CCDC91: variants seen among roughly 807,000 people sequenced by gnomAD.
CCDC91 encodes coiled-coil domain-containing protein 91.
Under a neutral mutation model 63.2 loss-of-function variants are expected in CCDC91, and 48 were observed. That is an observed-to-expected ratio of 0.76 (90% CI 0.60 to 0.97). CCDC91 has a LOEUF of 0.97. Ranked by LOEUF, CCDC91 falls within the 50% of genes least tolerant of loss-of-function variation. The pLI, the probability that CCDC91 is intolerant of heterozygous loss-of-function variation, is 0.00. For missense variants in CCDC91, 500 were observed against 494.6 expected (o/e 1.01, Z -0.10); for synonymous variants, 167 against 165.8 (o/e 1.01, Z -0.06).
At chr12:28,522,019 T>G (rs1940733301) in intron 12 of CCDC91, among the ~76,000 whole-genome samples, 1 of 152,198 alleles carries the variant, frequency 6.6e-6, no homozygotes, top group African/African-American at 2.4e-5. Context: ...ATCAGGGATA[T>G]TGGTCTAAAA....
At chr12:28,476,133 T>C (rs1275019736) in intron 11 of CCDC91, among the ~76,000 whole-genome samples, 23 of 152,158 alleles carry the variant, frequency 1.5e-4, no homozygotes, top group Admixed American at 1.3e-3. Flanking sequence ...TCTAAAAGAC[T>C]TTCTCGTAAC....
chr12:28,538,438 A>G (rs1426113506), intron 12 of CCDC91, among the ~76,000 whole-genome samples: 6 of 151,616 alleles, frequency 4.0e-5, no homozygotes, highest in African/African-American at 1.5e-4. Flanking sequence ...ACATGAACTC[A>G]TCATTTTTTA....
rs888183730 is a variant in CCDC91 at position 28,264,966 on chromosome 12, G to A, written c.109+5524G>A. On this transcript the variant is annotated intron_variant, in intron 3 of 12. Transcript: ENST00000536442. ...AGGCTGTCATCTAAAAGGACAGGAT[G>A]TCTCATGAAATGTGTTGTTAATATT... Among the ~76,000 whole-genome samples the A allele has an allele frequency of 5.9e-5, 9 of 152,048 alleles. No homozygotes were observed. The East Asian group carries it at 1.4e-3, about 23-fold the overall frequency.
intron 7 of CCDC91, among the ~76,000 whole-genome samples, chr12:28,363,876 G>GAAAAAAA (rs34997286): frequency 0.034 from 1,654 of 48,438 alleles, no homozygotes; most frequent in East Asian, 0.044. Context: ...GGCTCCATCT[G>GAAAAAAA]AAAAAAAAAA....
chr12:28,304,605 C>G, intron 3 of CCDC91: 1 of 1,133,136 alleles, frequency 8.8e-7, no homozygotes, highest in Non-Finnish European at 1.2e-6. Context: ...ATCTAATGGC[C>G]TTATAAATGT....
chr12:28,471,998 G>C (rs1268976422), intron 11 of CCDC91, among the ~76,000 whole-genome samples: 1 of 152,050 alleles, frequency 6.6e-6, no homozygotes, highest in Non-Finnish European at 1.5e-5. Flanking sequence ...TGATCAGCCC[G>C]CTTCATCCTC....
chr12:28,274,017 A>G (rs892236138), intron 3 of CCDC91, among the ~76,000 whole-genome samples: 3 of 152,170 alleles, frequency 2.0e-5, no homozygotes, highest in East Asian at 1.9e-4. Context: ...TAATTTTTGT[A>G]TAAGGTGTAA....
chr12:28,300,132 C>T (rs1937893786), intron 3 of CCDC91, among the ~76,000 whole-genome samples: 1 of 151,338 alleles, frequency 6.6e-6, no homozygotes, highest in East Asian at 1.9e-4. Flanking sequence ...GTTAGAATGC[C>T]CTTTCTTATG....
chr12:28,385,504 C>T (rs1019892091), intron 7 of CCDC91, among the ~76,000 whole-genome samples: 8 of 152,060 alleles, frequency 5.3e-5, no homozygotes, highest in African/African-American at 9.7e-5. Flanking sequence ...ATTTGTTATA[C>T]GTTTTGCTTC....
chr12:28,533,353 A>G (rs1282965254), intron 12 of CCDC91, among the ~76,000 whole-genome samples: 1 of 152,060 alleles, frequency 6.6e-6, no homozygotes, highest in Admixed American at 6.6e-5. Flanking sequence ...GCAAGTTTCC[A>G]CAGTAAATAG....
intron 8 of CCDC91, among the ~76,000 whole-genome samples, chr12:28,438,417 C>G (rs943491020): frequency 4.6e-5 from 7 of 152,108 alleles, no homozygotes; most frequent in Non-Finnish European, 7.4e-5. Context: ...CAGGTCCTCA[C>G]CAGATACAGA....
At chr12:28,466,744 C>T (rs1010827276) in intron 11 of CCDC91, among the ~76,000 whole-genome samples, 3 of 151,982 alleles carry the variant, frequency 2.0e-5, no homozygotes, top group African/African-American at 7.2e-5. Flanking sequence ...AGAAAATGAC[C>T]TTTATGAGCA....
intron 1 of CCDC91, among the ~76,000 whole-genome samples, chr12:28,215,825 G>A (rs1186532662): frequency 1.3e-5 from 2 of 152,058 alleles, no homozygotes; most frequent in African/African-American, 2.4e-5. Flanking sequence ...TAATTCTCAG[G>A]AATTGATACA....
chr12:28,337,604 T>C (rs1055358401), intron 6 of CCDC91, among the ~76,000 whole-genome samples: 13 of 152,168 alleles, frequency 8.5e-5, no homozygotes, highest in African/African-American at 3.1e-4. Flanking sequence ...TACTTTAAAT[T>C]GGTTTTATGA....
chr12:28,245,989 A>G (rs1238502502), intron 1 of CCDC91, among the ~76,000 whole-genome samples: 2 of 152,328 alleles, frequency 1.3e-5, no homozygotes, highest in East Asian at 3.9e-4. Context: ...GGTCTCAATA[A>G]CAAAATCCTG....
intron 3 of CCDC91, among the ~76,000 whole-genome samples, chr12:28,268,415 A>C (rs1474583391): frequency 6.6e-6 from 1 of 152,168 alleles, no homozygotes; most frequent in Admixed American, 6.6e-5. Flanking sequence ...AACAAACTAT[A>C]GCTACATATT....
chr12:28,284,386 C>T (rs1948785545), intron 3 of CCDC91, among the ~76,000 whole-genome samples: 1 of 152,124 alleles, frequency 6.6e-6, no homozygotes, highest in Admixed American at 6.5e-5. Flanking sequence ...GGCATAGTGG[C>T]TCATGCCTGT....
intron 1 of CCDC91, among the ~76,000 whole-genome samples, chr12:28,227,323 TTCTGCA>T (rs1251996309): frequency 1.3e-5 from 2 of 152,170 alleles, no homozygotes; most frequent in African/African-American, 4.8e-5. Flanking sequence ...TTTGGAATTC[TTCTGCA>T]TGGATGATGA....
At chr12:28,230,565 A>G (rs1457613860) in intron 1 of CCDC91, among the ~76,000 whole-genome samples, 1 of 152,218 alleles carries the variant, frequency 6.6e-6, no homozygotes, top group Non-Finnish European at 1.5e-5. Flanking sequence ...AAATAATTGA[A>G]TATGAGATAT....
Sources: allele counts gnomAD v4.1 joint callset (sites outside exome capture counted in the v4.1 genomes callset), GRCh38; gene constraint gnomAD v4.1.1; transcripts MANE v1.5; gene names NCBI Gene and HGNC (gene_info 2026-07-23, HGNC 2026-07-21).